Variants in POLD3 observed in about 807,000 individuals in gnomAD.
POLD3 encodes DNA polymerase delta 3, accessory subunit.
A neutral mutation model predicts 58.2 loss-of-function variants in POLD3; 19 were observed. That is an observed-to-expected ratio of 0.33 (90% confidence interval 0.23 to 0.48). POLD3 has a LOEUF of 0.48. POLD3 is among the 20% of genes least tolerant of loss of function. The probability of loss-of-function intolerance (pLI) is 0.99; values close to 1 mark genes in which losing one functional copy is unlikely to be tolerated. For missense variants in POLD3, 504 were observed against 545.5 expected (o/e 0.92, Z 0.76); for synonymous variants, 172 against 193.5 (o/e 0.89, Z 0.92).
intron 4 of POLD3, among the ~76,000 whole-genome samples, chr11:74,660,604 T>A (rs926740048): frequency 6.6e-6 from 1 of 152,158 alleles, no homozygotes; most frequent in Admixed American, 6.5e-5. Flanking sequence ...TAGGAGATGA[T>A]TGTATCATGG....
At chr11:74,594,641 G>T (rs1391252172) in intron 2 of POLD3, among the ~76,000 whole-genome samples, 1 of 152,136 alleles carries the variant, frequency 6.6e-6, no homozygotes, top group African/African-American at 2.4e-5. Context: ...TATATTTTCA[G>T]TTATCTTGGG....
intron 9 of POLD3, among the ~76,000 whole-genome samples, chr11:74,633,795 C>T (rs2032667283): frequency 6.6e-6 from 1 of 152,184 alleles, no homozygotes; most frequent in South Asian, 2.1e-4. Context: ...TTCCTGTTAA[C>T]CTCACTGTAG....
chr11:74,627,654 A>G (rs980258532), intron 8 of POLD3, among the ~76,000 whole-genome samples: 3 of 152,044 alleles, frequency 2.0e-5, no homozygotes, highest in African/African-American at 7.2e-5. Flanking sequence ...ACCATTTTTA[A>G]TCTTTTTTAT....
intron 9 of POLD3, among the ~76,000 whole-genome samples, chr11:74,632,877 TACACACACACACACACACACACAC>T (rs71036003): frequency 7.8e-5 from 9 of 115,730 alleles, no homozygotes; most frequent in East Asian, 2.6e-4. Context: ...TTTAAGTAAA[TACACACACACACACACACACACAC>T]ACACACACAC....
At chr11:74,661,848 A>C (rs2033210248) in intron 4 of POLD3, among the ~76,000 whole-genome samples, 1 of 152,178 alleles carries the variant, frequency 6.6e-6, no homozygotes, top group Non-Finnish European at 1.5e-5. Flanking sequence ...AAAACCTTAT[A>C]AATCTACCTT....
At chr11:74,626,381 A>C (rs2032435219) in intron 8 of POLD3, among the ~76,000 whole-genome samples, 1 of 152,214 alleles carries the variant, frequency 6.6e-6, no homozygotes. Flanking sequence ...TAGATTTTTA[A>C]TAGATGCCGT....
Position 74,629,306 on chromosome 11 carries a change from A to T in POLD3, c.989A>T (p.Asp330Val). 6.2e-7 allele frequency: 1 copy of T among 1,601,418 alleles called. No individual in the cohort carries two copies. The highest frequency in any genetic ancestry group is 8.5e-7 in the Non-Finnish European group (1 of 1,170,420). ...KRRRIKLPES[D>V]SSEDEVFPDS... Reference sequence around the variant, plus strand: ...AGAAGAATCAAACTTCCTGAATCTGATAGCAGTGAAGATGAAGGTGGGCAT... The same window carrying T: ...AGAAGAATCAAACTTCCTGAATCTGTTAGCAGTGAAGATGAAGGTGGGCAT... The change falls in exon 9 of 12, where the codon GAT becomes GTT. Residue 330 changes from aspartate (D) to valine (V), a missense_variant. By Grantham distance (152) the Asp-to-Val change is radical. Around this residue, in one of 2 missense-constraint regions of POLD3, gnomAD observed 385 missense variants for 370.5 expected, o/e 1.04. Coordinates refer to ENST00000263681, the MANE Select transcript of POLD3 (RefSeq NM_006591.3).
At chr11:74,614,814 G>A (rs1015929755) in intron 5 of POLD3, among the ~76,000 whole-genome samples, 9 of 152,152 alleles carry the variant, frequency 5.9e-5, no homozygotes, top group African/African-American at 2.2e-4. Context: ...TGATACCCAT[G>A]CTTCTGGCTT....
intron 4 of POLD3, among the ~76,000 whole-genome samples, chr11:74,655,637 A>C (rs897396377): frequency 2.7e-5 from 4 of 150,884 alleles, no homozygotes; most frequent in Non-Finnish European, 5.9e-5. Context: ...ATTTTTACAA[A>C]ATTCAACACC....
In POLD3 at chr11:74,610,194, C is replaced by T. The variant is rs191805560; in HGVS notation, c.220-1305C>T. On this transcript the variant is annotated intron_variant, in intron 3 of 11. Coordinates refer to ENST00000263681, the MANE Select transcript of POLD3 (RefSeq NM_006591.3). ...TTTCTTTTTCTGTGAACTGTCTGTTCCTACCACTTGCCCTTTTTTTTTTTT... is the reference window on the plus strand; with the variant it reads ...TTTCTTTTTCTGTGAACTGTCTGTTTCTACCACTTGCCCTTTTTTTTTTTT... 6.1e-3 allele frequency among the ~76,000 whole-genome samples: 922 copies of T among 151,126 alleles called. 4 individuals carry two copies. Among genetic ancestry groups the T allele is most frequent in the Middle Eastern group, 0.014 (4 of 290 alleles).
intron 8 of POLD3, among the ~76,000 whole-genome samples, chr11:74,627,595 A>G (rs773633688): frequency 9.9e-5 from 15 of 152,158 alleles, no homozygotes; most frequent in African/African-American, 1.4e-4. Flanking sequence ...AGCCAGAGCA[A>G]CTTTCAGTAC....
At chr11:74,599,438 C>A (rs574376556) in intron 2 of POLD3, among the ~76,000 whole-genome samples, 4 of 150,688 alleles carry the variant, frequency 2.7e-5, no homozygotes, top group African/African-American at 9.8e-5. Context: ...GAACTCAGCT[C>A]ACTGCAACCT....
chr11:74,659,274 A>C (rs956651970), intron 4 of POLD3, among the ~76,000 whole-genome samples: 1 of 152,194 alleles, frequency 6.6e-6, no homozygotes, highest in South Asian at 2.1e-4. Context: ...CCAAGTCAAT[A>C]GGCTGCACAC....
chr11:74,624,684 G>T (rs544456334), intron 7 of POLD3, among the ~76,000 whole-genome samples: 2 of 152,260 alleles, frequency 1.3e-5, no homozygotes, highest in South Asian at 4.1e-4. Context: ...GCATTTCTTA[G>T]TTCTCCCTGC....
chr11:74,661,066 T>G (rs1040647799), intron 4 of POLD3, among the ~76,000 whole-genome samples: 1 of 152,074 alleles, frequency 6.6e-6, no homozygotes, highest in Non-Finnish European at 1.5e-5. Flanking sequence ...TTCAATCCCT[T>G]TGTTAAATTT....
Position 74,619,884 on chromosome 11 carries a change from T to C in POLD3, c.661-133T>C, listed in dbSNP as rs990665765. ...TAGATTTGTTCTTATATCTAACACCTACGCGTTTTGGCATGATTATATAGA... is the reference window on the plus strand; with the variant it reads ...TAGATTTGTTCTTATATCTAACACCCACGCGTTTTGGCATGATTATATAGA... On this transcript the variant is annotated intron_variant, in intron 6 of 11. Transcript: ENST00000263681. The C allele has an allele frequency of 6.0e-5, 40 of 663,216 alleles. 1 individual carries two copies. The highest frequency in any genetic ancestry group is 1.1e-4 in the Non-Finnish European group (40 of 369,198). 41.1% of individuals were successfully genotyped at this position (663,216 alleles called of 1,614,324 possible). A position where few individuals can be genotyped will look rare whatever the true frequency, so the allele number is the denominator to read the frequency against.
intron 2 of POLD3, among the ~76,000 whole-genome samples, chr11:74,596,964 T>C (rs536587931): frequency 6.6e-6 from 1 of 152,382 alleles, no homozygotes; most frequent in South Asian, 2.1e-4. Flanking sequence ...CTGAATAGTA[T>C]TCCATTGTGT....
chr11:74,646,839 G>A (rs1034962386), downstream of POLD3, among the ~76,000 whole-genome samples: 1 of 152,160 alleles, frequency 6.6e-6, no homozygotes. Flanking sequence ...TAGGATACTT[G>A]GTTTCAAGCT....
At chr11:74,604,531 C>CT (rs35801933) in intron 2 of POLD3, 161 bp from the exon 3 acceptor site, 66,013 of 462,818 alleles carry the variant, frequency 0.14, 1,720 homozygotes, top group African/African-American at 0.23. Context: ...GAAGTCCATC[C>CT]TTTTTTTTTT....
Sources: allele counts gnomAD v4.1 joint callset (sites outside exome capture counted in the v4.1 genomes callset), GRCh38; gene constraint gnomAD v4.1.1; regional missense constraint gnomAD v4.1.1; transcripts MANE v1.5; gene names NCBI Gene and HGNC (gene_info 2026-07-23, HGNC 2026-07-21).